Variants in SUPV3L1 observed in about 807,000 individuals in gnomAD.
SUPV3L1 encodes the protein Suv3 like RNA helicase, also known as ATP-dependent RNA helicase SUPV3L1, mitochondrial.
In SUPV3L1, 35 loss-of-function variants were observed where a neutral mutation model predicts 70.0. That is an observed-to-expected ratio of 0.50 (90% CI 0.38 to 0.66). SUPV3L1 has a LOEUF of 0.66. Among genes scored for constraint, SUPV3L1 ranks in the 30% least tolerant of loss-of-function variants. The pLI is 0.00. For synonymous variants in SUPV3L1, 364 were observed against 341.9 expected (o/e 1.06, Z -0.71); for missense variants, 777 against 961.5 (o/e 0.81, Z 2.54).
intron 1 of SUPV3L1, among the ~76,000 whole-genome samples, chr10:69,181,056 G>A (rs1372445270): frequency 2.0e-5 from 3 of 152,156 alleles, no homozygotes; most frequent in Non-Finnish European, 2.9e-5. Context: ...AAACGTAACG[G>A]TATCGTGGGG....
chr10:69,186,693 G>A, intron 3 of SUPV3L1, 143 bp downstream of exon 3: 1 of 676,924 alleles, frequency 1.5e-6, no homozygotes. Context: ...TGCTTTCACA[G>A]GATGACTTCT....
intron 5 of SUPV3L1, 50 bp from the exon 6 acceptor site, chr10:69,191,605 G>A (rs372333484): frequency 8.8e-5 from 133 of 1,507,248 alleles, no homozygotes; most frequent in Non-Finnish European, 1.1e-4. Context: ...TATCCAAAAC[G>A]TATTTTTGCA....
In SUPV3L1 at chr10:69,199,202, G is replaced by A. The variant is rs1216214116; in HGVS notation, c.1298+5G>A. On this transcript the variant is annotated splice_donor_5th_base_variant and intron_variant, in intron 10 of 14. Transcript: ENST00000359655. ...AATTGGCATGGGACTTAATTTGTAA[G>A]TAATTTGTTTTTAATAAGATGAATA... 1.2e-6 allele frequency: 2 copies of A among 1,602,644 alleles called. No individual in the cohort carries two copies. The highest frequency in any genetic ancestry group is 1.7e-5 in the Admixed American group (1 of 58,370).
chr10:69,186,514 A>G lies in SUPV3L1; in HGVS notation c.421A>G (p.Ile141Val). The G allele has an allele frequency of 6.2e-7, 1 of 1,614,060 alleles. No homozygotes were observed. The highest frequency in any genetic ancestry group is 8.5e-7 in the Non-Finnish European group (1 of 1,179,996). ...IMQSHSLDVDIHIVLNDICFG... is the reference protein window; with the variant it reads ...IMQSHSLDVDVHIVLNDICFG... ...GCAGTCTCATTCCCTGGATGTGGAC[A>G]TTCACATTGTTTTGAATGATATTTG... Residue 141 changes from isoleucine (I) to valine (V), a missense_variant, in exon 3 of 15, where the codon ATT (isoleucine) becomes GTT (valine). Coordinates refer to ENST00000359655, the MANE Select transcript of SUPV3L1 (RefSeq NM_003171.5).
intron 9 of SUPV3L1, 128 bp from the exon 10 acceptor site, chr10:69,198,976 G>A: frequency 2.9e-6 from 2 of 686,868 alleles, no homozygotes; most frequent in South Asian, 4.1e-5. Context: ...AAGAAATAAA[G>A]TTTGAAACAG....
At chr10:69,201,813 A>T (rs2132300201) in intron 11 of SUPV3L1, among the ~76,000 whole-genome samples, 1 of 151,730 alleles carries the variant, frequency 6.6e-6, no homozygotes, top group East Asian at 1.9e-4. Flanking sequence ...TGTTGGGATT[A>T]CAGGCATGAG....
In SUPV3L1 at chr10:69,180,267, A is replaced by C. The variant is rs745895398; in HGVS notation, c.-25A>C. 40 of 1,605,298 alleles carry C rather than the reference A, an allele frequency of 2.5e-5. No individual in the cohort carries two copies. The highest frequency in any genetic ancestry group is 3.4e-5 in the Non-Finnish European group (40 of 1,174,924). On this transcript the variant is annotated 5_prime_UTR_variant, in exon 1 of 15. Coordinates refer to ENST00000359655, the MANE Select transcript of SUPV3L1 (RefSeq NM_003171.5). ...CCGCCGCCGTGTCCGCGGCTGCGCC[A>C]GACAGTGTAGAACCTGCGGCCTCGA...
At chr10:69,189,795 C>T (rs183007890) in intron 5 of SUPV3L1, among the ~76,000 whole-genome samples, 8,627 of 152,014 alleles carry the variant, frequency 0.057, 280 homozygotes, top group South Asian at 0.13. Context: ...TACAGGCGCC[C>T]ACCACCACGC....
chr10:69,180,332 C>T lies in SUPV3L1; in HGVS notation c.41C>T (p.Ala14Val). 6.2e-7 allele frequency: 1 copy of T among 1,614,004 alleles called. No homozygotes were observed. The highest frequency in any genetic ancestry group is 8.5e-7 in the Non-Finnish European group (1 of 1,179,996). The change falls in exon 1 of 15, where the codon GCG (alanine) becomes GTG (valine). Residue 14 changes from alanine (A) to valine (V), a missense_variant. Physicochemically the swap from Ala to Val is moderately conservative, Grantham distance 64 (BLOSUM62 0). Coordinates refer to ENST00000359655, the MANE Select transcript of SUPV3L1 (RefSeq NM_003171.5). ...GCCCTATTGTGGGCTCGGCTCCCGG[C>T]GGGGCGCCAGGCTGGCCACCGGGCA... ...SRALLWARLP[A>V]GRQAGHRAAI...
chr10:69,199,527 G>A (rs914093430), intron 10 of SUPV3L1, among the ~76,000 whole-genome samples: 9 of 151,932 alleles, frequency 5.9e-5, no homozygotes, highest in Non-Finnish European at 1.3e-4. Flanking sequence ...GACCACAGGT[G>A]CACACCACAA....
intron 8 of SUPV3L1, among the ~76,000 whole-genome samples, chr10:69,198,094 G>A (rs1842588486): frequency 6.6e-6 from 1 of 152,072 alleles, no homozygotes; most frequent in South Asian, 2.1e-4. Flanking sequence ...TAACCTTTCT[G>A]AACTTAACAC....
At chr10:69,206,202 TCACATTTCTACCCTTTATGGC>T (rs1842823493) in intron 13 of SUPV3L1, among the ~76,000 whole-genome samples, 1 of 152,212 alleles carries the variant, frequency 6.6e-6, no homozygotes, top group African/African-American at 2.4e-5. Flanking sequence ...GGTAGTGTGG[TCACATTTCTACCCTTTATGGC>T]TATCCTACTT....
chr10:69,205,341 T>G (rs1842796954), intron 13 of SUPV3L1, among the ~76,000 whole-genome samples: 1 of 151,946 alleles, frequency 6.6e-6, no homozygotes, highest in Admixed American at 6.6e-5. Context: ...AGCTCTTTAC[T>G]AAGGTGTAGG....
At chr10:69,182,757 C>T (rs895628786) in intron 1 of SUPV3L1, 16 of 829,762 alleles carry the variant, frequency 1.9e-5, no homozygotes, top group Middle Eastern at 6.1e-4. Context: ...TGCATTACTA[C>T]ACTCTGATAT....
At chr10:69,185,359 A>G (rs1024589022) in intron 1 of SUPV3L1, among the ~76,000 whole-genome samples, 39 of 152,196 alleles carry the variant, frequency 2.6e-4, no homozygotes, top group Non-Finnish European at 4.9e-4. Context: ...TTGGATGTGC[A>G]GAATCGTTAT....
intron 6 of SUPV3L1, among the ~76,000 whole-genome samples, chr10:69,194,094 T>G (rs901482080): frequency 6.6e-6 from 1 of 152,156 alleles, no homozygotes; most frequent in Non-Finnish European, 1.5e-5. Flanking sequence ...TTCTTTTACT[T>G]CTGTCCAGAT....
At chr10:69,194,079 CCTT>C (rs1564705756) in intron 6 of SUPV3L1, among the ~76,000 whole-genome samples, 2 of 152,220 alleles carry the variant, frequency 1.3e-5, no homozygotes, top group Non-Finnish European at 1.5e-5. Flanking sequence ...CTGGAACTTG[CCTT>C]CTTCTTTTAC....
Position 69,180,445 on chromosome 10 carries a change from G to T in SUPV3L1, c.154G>T (p.Ala52Ser), listed in dbSNP as rs745590053. 2 of 1,614,252 alleles carry T rather than the reference G, an allele frequency of 1.2e-6. No individual in the cohort carries two copies. The highest frequency in any genetic ancestry group is 1.7e-5 in the Admixed American group (1 of 60,028). The change falls in exon 1 of 15, where the codon GCC (alanine) becomes TCC (serine). Residue 52 changes from alanine (A) to serine (S), a missense_variant. By Grantham distance (99) the Ala-to-Ser change is moderately conservative (BLOSUM62 1). Transcript: ENST00000359655. ...TGTCCTTGCCACCGCCTCCTCCTCT[G>T]CCTCCGGTGGCTCCAAAATACCAAA... ...VSVLATASSS[A>S]SGGSKIPNTS... is the part of the protein sequence containing the mutation.
chr10:69,187,601 T>C, intron 3 of SUPV3L1, 41 bp from the exon 4 acceptor site: 1 of 1,382,668 alleles, frequency 7.2e-7, no homozygotes, highest in Non-Finnish European at 1.0e-6. Context: ...TTACGAATTT[T>C]ATGTAGATTG....
Sources: allele counts gnomAD v4.1 joint callset (sites outside exome capture counted in the v4.1 genomes callset), GRCh38; gene constraint gnomAD v4.1.1; transcripts MANE v1.5; gene names NCBI Gene and HGNC (gene_info 2026-07-23, HGNC 2026-07-21).